CORIN: variants seen among roughly 807,000 people sequenced by gnomAD.
CORIN encodes atrial natriuretic peptide-converting enzyme.
A neutral mutation model predicts 125.3 loss-of-function variants in CORIN; 117 were observed. The ratio of observed to expected loss-of-function variants is 0.93; its 90% CI spans 0.80 to 1.09. The LOEUF is 1.09. Ranked by LOEUF, CORIN falls within the 50% of genes least tolerant of loss-of-function variation. The pLI is 0.00. For missense variants in CORIN, 1,253 were observed against 1,306.7 expected (o/e 0.96, Z 0.63); for synonymous variants, 450 against 466.4 (o/e 0.96, Z 0.45).
chr4:47,613,821 G>C (rs1244834620), intron 19 of CORIN, among the ~76,000 whole-genome samples: 4 of 116,950 alleles, frequency 3.4e-5, no homozygotes, highest in African/African-American at 1.3e-4. Flanking sequence ...GGTGGGGGGA[G>C]GGGGGAGGGA....
chr4:47,669,661 TG>T (rs1425764780), intron 10 of CORIN, among the ~76,000 whole-genome samples: 2 of 151,684 alleles, frequency 1.3e-5, no homozygotes, highest in African/African-American at 4.8e-5. Flanking sequence ...CTCTGCCTCC[TG>T]GGTTCGCACC....
intron 5 of CORIN, among the ~76,000 whole-genome samples, chr4:47,717,542 T>C (rs1727150597): frequency 6.6e-6 from 1 of 152,226 alleles, no homozygotes; most frequent in Non-Finnish European, 1.5e-5. Flanking sequence ...CAACAGTGAC[T>C]TCGCCCCTGA....
intron 4 of CORIN, among the ~76,000 whole-genome samples, chr4:47,761,163 C>T (rs114521457): frequency 0.017 from 2,539 of 152,316 alleles, 71 homozygotes; most frequent in African/African-American, 0.058. Context: ...CCTATAAGAA[C>T]TTTTGCTTTG....
intron 1 of CORIN, among the ~76,000 whole-genome samples, chr4:47,822,445 C>T (rs1320821998): frequency 6.6e-6 from 1 of 152,216 alleles, no homozygotes; most frequent in East Asian, 1.9e-4. Flanking sequence ...TTCCATTAGT[C>T]TCAATAATAC....
intron 2 of CORIN, 51 bp from the exon 3 acceptor site, chr4:47,786,976 G>A: frequency 8.0e-7 from 1 of 1,256,094 alleles, no homozygotes; most frequent in Non-Finnish European, 1.1e-6. Context: ...AACATTACTA[G>A]AAGTGTTTAT....
chr4:47,686,522 CAT>C (rs1382930104), intron 6 of CORIN, among the ~76,000 whole-genome samples: 2 of 152,196 alleles, frequency 1.3e-5, no homozygotes, highest in African/African-American at 2.4e-5. Flanking sequence ...GGCTACAACA[CAT>C]GTGACAGCTG....
chr4:47,617,066 G>C (rs764520842), intron 19 of CORIN, among the ~76,000 whole-genome samples: 4 of 152,172 alleles, frequency 2.6e-5, no homozygotes, highest in African/African-American at 4.8e-5. Context: ...TGAAAGACAT[G>C]ATGGCATCTA....
In CORIN at chr4:47,731,222, T is replaced by C. The variant is rs115932121; in HGVS notation, c.799+13180A>G. 4.3e-3 allele frequency among the ~76,000 whole-genome samples: 653 copies of C among 152,344 alleles called. 9 individuals carry two copies. The highest frequency in any genetic ancestry group is 0.015 in the African/African-American group (610 of 41,584). On this transcript the variant is annotated intron_variant, in intron 5 of 21. Coordinates refer to ENST00000273857, the MANE Select transcript of CORIN (RefSeq NM_006587.4). ...TGGGCAATATCAGATTGGTTTTGTA[T>C]CTGTTTCGTTTGACATGCCTTTTAG...
rs528862563 is a variant in CORIN at position 47,834,108 on chromosome 4, G to A, written c.63+3779C>T. Among the ~76,000 whole-genome samples, 11 of 152,184 alleles carry A rather than the reference G, an allele frequency of 7.2e-5. No homozygotes were observed. The South Asian group carries it at 2.3e-3, about 32-fold the overall frequency. On this transcript the variant is annotated intron_variant, in intron 1 of 21. Transcript: ENST00000273857. ...ATATGTAACCAAAGAATTTAAAATTGGGATCTTGAAAAGACATCTGCATTC... is the reference window on the plus strand; with the variant it reads ...ATATGTAACCAAAGAATTTAAAATTAGGATCTTGAAAAGACATCTGCATTC...
chr4:47,773,477 C>A (rs889304876), intron 3 of CORIN, among the ~76,000 whole-genome samples: 2 of 152,118 alleles, frequency 1.3e-5, no homozygotes, highest in Non-Finnish European at 2.9e-5. Context: ...TGGATTACAC[C>A]AGCTGGGTAT....
chr4:47,732,455 C>T (rs960552362), intron 5 of CORIN, among the ~76,000 whole-genome samples: 27 of 152,164 alleles, frequency 1.8e-4, no homozygotes, highest in African/African-American at 5.8e-4. Flanking sequence ...CCCCAGCTCC[C>T]TCACCCCTCT....
intron 16 of CORIN, among the ~76,000 whole-genome samples, chr4:47,627,217 A>G (rs1241306536): frequency 6.6e-6 from 1 of 152,108 alleles, no homozygotes; most frequent in Non-Finnish European, 1.5e-5. Flanking sequence ...TCCTGACCTC[A>G]AGTGGTCTGC....
At chr4:47,645,370 G>A (rs1723420411) in intron 13 of CORIN, among the ~76,000 whole-genome samples, 176 bp from the exon 14 acceptor site, 1 of 150,674 alleles carries the variant, frequency 6.6e-6, no homozygotes, top group Admixed American at 6.6e-5. Flanking sequence ...GGAATCACTT[G>A]AACCCGGGAG....
chr4:47,702,867 T>G (rs1209116246), intron 5 of CORIN, among the ~76,000 whole-genome samples: 1 of 152,212 alleles, frequency 6.6e-6, no homozygotes, highest in East Asian at 1.9e-4. Context: ...CTACCTACTC[T>G]CTATTGTTGA....
chr4:47,686,120 T>C lies in CORIN; in HGVS notation c.914-2282A>G, dbSNP rs1201266620. ...AGTTAAAACATTAGGCTTGCCAAAATATGACACTTACATATACATGAATCA... is the reference window on the plus strand; with the variant it reads ...AGTTAAAACATTAGGCTTGCCAAAACATGACACTTACATATACATGAATCA... On this transcript the variant is annotated intron_variant, in intron 6 of 21. Transcript: ENST00000273857. 3.3e-5 allele frequency among the ~76,000 whole-genome samples: 5 copies of C among 149,872 alleles called. No homozygotes were observed. In the Admixed American group the frequency reaches 3.4e-4, roughly 10 times the overall value.
At position 47,618,950 on chromosome 4, in the gene CORIN, C is replaced by G. The variant is rs972508338; in HGVS notation, c.2540+4621G>C. Among the ~76,000 whole-genome samples the G allele has an allele frequency of 2.6e-5, 4 of 152,144 alleles. No individual in the cohort carries two copies. In the East Asian group the frequency reaches 7.7e-4, roughly 29 times the overall value. ...AGAGCTGCTGTGAAGGGAATCAAGA[C>G]ATGGGTGACATGGCAGGAGTATGGG... is the stretch of plus-strand genomic sequence containing the variant. On this transcript the variant is annotated intron_variant, in intron 19 of 21. Coordinates refer to ENST00000273857, the MANE Select transcript of CORIN (RefSeq NM_006587.4).
intron 5 of CORIN, among the ~76,000 whole-genome samples, chr4:47,732,531 T>A (rs1382186082): frequency 1.3e-5 from 2 of 152,076 alleles, no homozygotes; most frequent in East Asian, 3.9e-4. Flanking sequence ...ATTGCTCCAG[T>A]TGCCCACTAT....
chr4:47,648,213 A>G (rs1290303633), intron 13 of CORIN, among the ~76,000 whole-genome samples: 2 of 152,226 alleles, frequency 1.3e-5, no homozygotes, highest in Non-Finnish European at 2.9e-5. Flanking sequence ...AAAAACAGGC[A>G]TGGATGGGAT....
intron 5 of CORIN, among the ~76,000 whole-genome samples, chr4:47,698,326 A>G (rs1397225714): frequency 6.6e-6 from 1 of 151,870 alleles, no homozygotes; most frequent in Admixed American, 6.6e-5. Flanking sequence ...CCTCACTCAA[A>G]CCTGACATTT....
Sources: allele counts gnomAD v4.1 joint callset (sites outside exome capture counted in the v4.1 genomes callset), GRCh38; gene constraint gnomAD v4.1.1; transcripts MANE v1.5; gene names NCBI Gene and HGNC (gene_info 2026-07-23, HGNC 2026-07-21).